The following PTPRC variants were observed in gnomAD, a reference collection of about 807,000 sequenced individuals.
PTPRC encodes receptor-type tyrosine-protein phosphatase C.
In PTPRC, 44 loss-of-function variants were observed where a neutral mutation model predicts 155.9. The observed-to-expected ratio is 0.28, with a 90% CI of 0.22 to 0.36. PTPRC has a LOEUF of 0.36. Among genes scored for constraint, PTPRC ranks in the 10% least tolerant of loss-of-function variants. The pLI is 1.00. For synonymous variants in PTPRC, 525 were observed against 533.1 expected, an observed-to-expected ratio of 0.98 and a Z score of 0.21; for missense variants, 1,401 against 1,564.6, an observed-to-expected ratio of 0.90 and a Z score of 1.76.
chr1:198,645,181 T>C (rs145800394), intron 2 of PTPRC, among the ~76,000 whole-genome samples: 99 of 151,922 alleles, frequency 6.5e-4, no homozygotes, highest in African/African-American at 2.2e-3. Flanking sequence ...AAATCACTGA[T>C]AGACAAGAAG....
chr1:198,656,985 A>G (rs935400757), intron 2 of PTPRC, among the ~76,000 whole-genome samples: 6 of 151,410 alleles, frequency 4.0e-5, no homozygotes, highest in African/African-American at 1.2e-4. Context: ...TGTTAATAGA[A>G]CATTCTAACT....
intron 7 of PTPRC, among the ~76,000 whole-genome samples, chr1:198,704,050 G>A (rs1666602574): frequency 6.6e-6 from 1 of 152,064 alleles, no homozygotes; most frequent in South Asian, 2.1e-4. Context: ...AGCAGTCTTT[G>A]CATTTTCTCT....
At chr1:198,716,435 A>G (rs1653590153) in intron 12 of PTPRC, among the ~76,000 whole-genome samples, 1 of 152,254 alleles carries the variant, frequency 6.6e-6, no homozygotes, top group Non-Finnish European at 1.5e-5. Flanking sequence ...TAAATATTTT[A>G]TGTACCAAAT....
chr1:198,708,270 A>C lies in PTPRC; in HGVS notation c.1033+9A>C. 2 of 1,601,842 alleles carry C rather than the reference A, an allele frequency of 1.2e-6. No individual in the cohort carries two copies. The highest frequency in any genetic ancestry group is 1.7e-6 in the Non-Finnish European group (2 of 1,171,466). On this transcript the variant is annotated intron_variant, in intron 10 of 32. Coordinates refer to ENST00000442510, the MANE Select transcript of PTPRC (RefSeq NM_002838.5). ...CTACAGATTTCAGTGTGGTAAGAAT[A>C]TAACATTGACCAGAGAATTTTTTTT...
intron 2 of PTPRC, among the ~76,000 whole-genome samples, chr1:198,650,375 G>T (rs1227139650): frequency 2.6e-5 from 4 of 151,876 alleles, no homozygotes; most frequent in Non-Finnish European, 5.9e-5. Context: ...TGAGGAGACT[G>T]AATGGGAGGA....
intron 23 of PTPRC, among the ~76,000 whole-genome samples, chr1:198,739,135 A>C (rs982296426): frequency 2.0e-5 from 3 of 151,742 alleles, no homozygotes; most frequent in African/African-American, 7.3e-5. Context: ...CCTTCACTTA[A>C]AGGAAGACAG....
chr1:198,704,226 T>C (rs1165916747), intron 7 of PTPRC, among the ~76,000 whole-genome samples: 1 of 152,182 alleles, frequency 6.6e-6, no homozygotes, highest in African/African-American at 2.4e-5. Context: ...TACCTAAAAG[T>C]CTTAATATTG....
In PTPRC at chr1:198,744,116, G is replaced by C; in HGVS notation, c.2760G>C (p.Val920=). The part of the protein sequence containing the change: ...VEYNQFGETE[V]NLSELHPYLH... The stretch of plus-strand genomic sequence containing the variant: ...ACAATCAGTTTGGAGAAACAGAAGT[G>C]AATTTGTCTGAATTACATCCATATC... Residue 920 remains valine, a synonymous_variant, in exon 26 of 33, where the codon GTG becomes GTC. Transcript: ENST00000442510. 6.2e-7 allele frequency: 1 copy of C among 1,603,168 alleles called. No homozygotes were observed. The highest frequency in any genetic ancestry group is 1.3e-5 in the African/African-American group (1 of 74,604).
At chr1:198,677,300 T>C (rs1665009669) in intron 2 of PTPRC, among the ~76,000 whole-genome samples, 1 of 152,200 alleles carries the variant, frequency 6.6e-6, no homozygotes. Flanking sequence ...GGGGATAATG[T>C]TAAAACTTCT....
chr1:198,685,136 A>G (rs973220875), intron 2 of PTPRC, among the ~76,000 whole-genome samples: 45 of 152,032 alleles, frequency 3.0e-4, no homozygotes, highest in African/African-American at 1.1e-3. Flanking sequence ...TTATTTTCTG[A>G]TGATAAGCAG....
chr1:198,734,171 A>C (rs1327323058), intron 20 of PTPRC, 25 bp from the exon 21 acceptor site: 2 of 1,604,668 alleles, frequency 1.2e-6, no homozygotes, highest in East Asian at 2.2e-5. Flanking sequence ...AGCAAATGAC[A>C]TATCTCTGCA....
intron 2 of PTPRC, among the ~76,000 whole-genome samples, chr1:198,678,050 A>G (rs1665063851): frequency 6.6e-6 from 1 of 152,248 alleles, no homozygotes; most frequent in African/African-American, 2.4e-5. Flanking sequence ...AGGAAATGCA[A>G]TACCATCTTA....
chr1:198,690,679 AGT>A (rs1258867739), intron 2 of PTPRC, among the ~76,000 whole-genome samples: 2 of 152,088 alleles, frequency 1.3e-5, no homozygotes, highest in African/African-American at 4.8e-5. Context: ...TTTTCACATC[AGT>A]TTGTTCTCAG....
At position 198,756,182 on chromosome 1, in the gene PTPRC, G is replaced by GAA. The variant is rs1488561526; in HGVS notation, c.*4_*5dup. On this transcript the variant is annotated 3_prime_UTR_variant, in exon 33 of 33. Coordinates refer to ENST00000442510, the MANE Select transcript of PTPRC (RefSeq NM_002838.5). ...TCCAGCTTTAAATCAAGGTTCATAG[G>GAA]AAAAGACATAAATGAGGAAACTCCA... 1.9e-6 allele frequency: 3 copies of GAA among 1,612,732 alleles called. No individual in the cohort carries two copies. The highest frequency in any genetic ancestry group is 2.7e-5 in the African/African-American group (2 of 74,804).
intron 2 of PTPRC, chr1:198,660,556 G>A (rs1452497183): frequency 6.6e-6 from 1 of 151,858 alleles, no homozygotes; most frequent in African/African-American, 2.4e-5. Context: ...ACAACAGGTA[G>A]AGGTTATGAG....
At chr1:198,741,740 A>G in intron 23 of PTPRC, 129 bp from the exon 24 acceptor site, 2 of 911,268 alleles carry the variant, frequency 2.2e-6, no homozygotes, top group Non-Finnish European at 3.3e-6. Flanking sequence ...ACCTGAGGAA[A>G]CTATGAACTC....
At chr1:198,707,256 A>G (rs1349579129) in intron 9 of PTPRC, among the ~76,000 whole-genome samples, 1 of 152,220 alleles carries the variant, frequency 6.6e-6, no homozygotes, top group Non-Finnish European at 1.5e-5. Flanking sequence ...ATTCTCCTCT[A>G]CTTAAATGAA....
In PTPRC at chr1:198,702,452, A is replaced by T; in HGVS notation, c.505A>T (p.Thr169Ser). 6.2e-7 allele frequency: 1 copy of T among 1,614,052 alleles called. No individual in the cohort carries two copies. The highest frequency in any genetic ancestry group is 1.7e-5 in the Admixed American group (1 of 60,002). The change falls in exon 6 of 33, where the codon ACC (threonine) becomes TCC (serine). Residue 169 changes from threonine (T) to serine (S), a missense_variant. Transcript: ENST00000442510. Reference sequence around the variant, plus strand: ...AGACCCAGTTTCCCCATTGACAACCACCCTCAGCCTTGCACACCACAGCTC... The same window carrying T: ...AGACCCAGTTTCCCCATTGACAACCTCCCTCAGCCTTGCACACCACAGCTC... ...PTDPVSPLTT[T>S]LSLAHHSSAA... is the part of the protein sequence containing the mutation.
intron 6 of PTPRC, 110 bp downstream of exon 6, chr1:198,702,640 C>T (rs1294555062): frequency 1.4e-6 from 2 of 1,465,164 alleles, no homozygotes; most frequent in Non-Finnish European, 1.9e-6. Context: ...GTAGGTTTCC[C>T]ATTTTACAAA....
Sources: allele counts gnomAD v4.1 joint callset (sites outside exome capture counted in the v4.1 genomes callset), GRCh38; gene constraint gnomAD v4.1.1; transcripts MANE v1.5; gene names NCBI Gene and HGNC (gene_info 2026-07-23, HGNC 2026-07-21).